MAGI2: variants seen among roughly 807,000 people sequenced by gnomAD.
The protein encoded by MAGI2 is membrane-associated guanylate kinase, WW and PDZ domain-containing protein 2.
MAGI2 carries 35 observed loss-of-function variants against 133.3 expected under a neutral mutation model. The ratio of observed to expected loss-of-function variants is 0.26; its 90% CI spans 0.20 to 0.35. The LOEUF is 0.35. Ranked by LOEUF, MAGI2 falls within the 10% of genes least tolerant of loss-of-function variation. MAGI2 has a pLI of 1.00. For synonymous variants in MAGI2, 729 were observed against 710.6 expected, an observed-to-expected ratio of 1.03 and a Z score of -0.41; for missense variants, 1,636 against 1,863.4, an observed-to-expected ratio of 0.88 and a Z score of 2.25.
intron 2 of MAGI2, among the ~76,000 whole-genome samples, chr7:78,729,140 G>A (rs1406954899): frequency 2.0e-5 from 3 of 152,134 alleles, no homozygotes; most frequent in Non-Finnish European, 4.4e-5. Context: ...AAGATCTTGT[G>A]ATTAAAAATA....
At chr7:79,440,848 G>GCCAGTAC (rs1848449344) in intron 1 of MAGI2, among the ~76,000 whole-genome samples, 2 of 152,166 alleles carry the variant, frequency 1.3e-5, no homozygotes, top group Non-Finnish European at 2.9e-5. Context: ...GGAGCCAGTA[G>GCCAGTAC]CTTTTCCTCA....
chr7:78,468,350 G>A (rs1055582449), intron 6 of MAGI2, among the ~76,000 whole-genome samples: 9 of 152,062 alleles, frequency 5.9e-5, no homozygotes, highest in Non-Finnish European at 1.2e-4. Context: ...ATATAAATGC[G>A]TGACATATGT....
chr7:78,551,002 A>G (rs895807271), intron 3 of MAGI2, among the ~76,000 whole-genome samples: 3 of 152,186 alleles, frequency 2.0e-5, no homozygotes, highest in African/African-American at 7.2e-5. Context: ...GAAATAGGGG[A>G]ATAAATTAAT....
At chr7:78,366,660 C>G (rs894369891) in intron 7 of MAGI2, among the ~76,000 whole-genome samples, 1 of 152,248 alleles carries the variant, frequency 6.6e-6, no homozygotes, top group Admixed American at 6.5e-5. Context: ...GTAATGTATA[C>G]ATCATATACA....
At chr7:79,236,346 C>A (rs147249114) in intron 1 of MAGI2, among the ~76,000 whole-genome samples, 1 of 152,170 alleles carries the variant, frequency 6.6e-6, no homozygotes, top group East Asian at 1.9e-4. Flanking sequence ...ACCAGTTAGC[C>A]TGGGGTTCTG....
In MAGI2 at chr7:78,343,896, T is replaced by C; in HGVS notation, c.1290A>G (p.Lys430=). ...TAAATCCAAAGCCCATGTTGCTCTT[T>C]TTTAGGGTGGTGCTGAGGAATGTTC... ...LKGTFLSTTL[K]KSNMGFGFTI... The change falls in exon 9 of 22, where the codon AAA becomes AAG. Residue 430 remains lysine (K), a synonymous_variant. Transcript: ENST00000354212. 1.9e-6 allele frequency: 3 copies of C among 1,613,320 alleles called. No individual in the cohort carries two copies. Among genetic ancestry groups the C allele is most frequent in the Non-Finnish European group, 2.5e-6 (3 of 1,179,750 alleles).
chr7:79,029,381 A>C (rs1226037250), intron 1 of MAGI2, among the ~76,000 whole-genome samples: 1 of 152,178 alleles, frequency 6.6e-6, no homozygotes, highest in Non-Finnish European at 1.5e-5. Context: ...TAGAGATGTG[A>C]TTAACTAAAG....
intron 3 of MAGI2, among the ~76,000 whole-genome samples, chr7:78,555,877 T>C (rs772729740): frequency 2.6e-5 from 4 of 152,164 alleles, no homozygotes; most frequent in Non-Finnish European, 5.9e-5. Flanking sequence ...CAACCTCCAC[T>C]CTTACCACTA....
intron 1 of MAGI2, among the ~76,000 whole-genome samples, chr7:79,314,931 C>T (rs563353799): frequency 6.6e-6 from 1 of 152,214 alleles, no homozygotes; most frequent in African/African-American, 2.4e-5. Context: ...CATGAACAAA[C>T]TGGGCTCTAA....
Position 78,234,236 on chromosome 7 carries a change from A to C in MAGI2, c.2047+21707T>G, listed in dbSNP as rs1230213732. 7.9e-5 allele frequency among the ~76,000 whole-genome samples: 12 copies of C among 152,200 alleles called. No homozygotes were observed. In the East Asian group the frequency reaches 2.3e-3, roughly 29 times the overall value. On this transcript the variant is annotated intron_variant, in intron 10 of 21. Transcript: ENST00000354212. Reference sequence around the variant, plus strand: ...AAATTGTATTCCAGATTTTTAGTGGAAGTATCACTTTGGTGCAACATTTTC... The same window carrying C: ...AAATTGTATTCCAGATTTTTAGTGGCAGTATCACTTTGGTGCAACATTTTC...
At chr7:78,749,341 A>G (rs1232026357) in intron 2 of MAGI2, among the ~76,000 whole-genome samples, 2 of 152,202 alleles carry the variant, frequency 1.3e-5, no homozygotes, top group East Asian at 3.9e-4. Context: ...AGAGACCATA[A>G]CAGGCACAAA....
chr7:79,026,343 A>G (rs1336615403), intron 1 of MAGI2, among the ~76,000 whole-genome samples: 1 of 152,220 alleles, frequency 6.6e-6, no homozygotes, highest in African/African-American at 2.4e-5. Flanking sequence ...CTTGCAAGGA[A>G]AGCCTATTGA....
At chr7:78,048,745 A>G (rs1811694613) in intron 21 of MAGI2, among the ~76,000 whole-genome samples, 1 of 152,132 alleles carries the variant, frequency 6.6e-6, no homozygotes, top group African/African-American at 2.4e-5. Context: ...AGTTCCATCA[A>G]TTTCTGGTCT....
At chr7:79,235,215 T>C (rs1427932776) in intron 1 of MAGI2, among the ~76,000 whole-genome samples, 1 of 152,128 alleles carries the variant, frequency 6.6e-6, no homozygotes, top group Non-Finnish European at 1.5e-5. Context: ...GACAGGGACA[T>C]TTAAGTCTGC....
At chr7:79,013,966 T>G (rs1367488591) in intron 1 of MAGI2, among the ~76,000 whole-genome samples, 2 of 152,170 alleles carry the variant, frequency 1.3e-5, no homozygotes, top group African/African-American at 4.8e-5. Context: ...TATTAGAGAG[T>G]ATAGACAATC....
intron 1 of MAGI2, among the ~76,000 whole-genome samples, chr7:79,404,678 A>G (rs1223181127): frequency 6.6e-6 from 1 of 152,102 alleles, no homozygotes; most frequent in Non-Finnish European, 1.5e-5. Context: ...GCTAGGCCCA[A>G]TGCTGTTCTT....
chr7:78,483,618 G>C (rs1792659474), intron 6 of MAGI2, among the ~76,000 whole-genome samples: 1 of 151,334 alleles, frequency 6.6e-6, no homozygotes, highest in Non-Finnish European at 1.5e-5. Context: ...ATTTATTTTG[G>C]ATAAATTGTA....
chr7:78,030,924 T>G (rs1809504961), intron 21 of MAGI2, among the ~76,000 whole-genome samples: 4 of 152,222 alleles, frequency 2.6e-5, no homozygotes, highest in Admixed American at 2.6e-4. Context: ...TGTATGCGGA[T>G]TTCTATGGTG....
chr7:78,867,863 A>T lies in MAGI2; in HGVS notation c.418+139227T>A, dbSNP rs566636672. On this transcript the variant is annotated intron_variant, in intron 2 of 21. Transcript: ENST00000354212. ...GAAAGGGTCTACTACAGCCTCCAGA[A>T]ATAGATTTTTGAAAGCATATGTTTC... Among the ~76,000 whole-genome samples, 321 of 152,196 alleles carry T rather than the reference A, an allele frequency of 2.1e-3. 3 individuals carry two copies. The highest frequency in any genetic ancestry group is 7.4e-3 in the African/African-American group (308 of 41,534).
Sources: gnomAD v4.1 joint callset for allele counts (sites outside exome capture counted in the v4.1 genomes callset) on GRCh38, gnomAD v4.1.1 for gene constraint, MANE v1.5 for transcripts, NCBI Gene and HGNC (gene_info 2026-07-23, HGNC 2026-07-21) for gene names.